The following GLIS3 variants were observed in gnomAD, a reference collection of about 807,000 sequenced individuals.
GLIS3 encodes the protein zinc finger protein GLIS3.
GLIS3 carries 53 observed loss-of-function variants against 78.6 expected under a neutral mutation model. The ratio of observed to expected loss-of-function variants is 0.67; its 90% CI spans 0.54 to 0.85. GLIS3 has a LOEUF of 0.85. Ranked by LOEUF, GLIS3 falls within the 40% of genes least tolerant of loss-of-function variation. The pLI is 0.00. For synonymous variants in GLIS3, 684 were observed against 509.9 expected (o/e 1.34, Z -4.60); for missense variants, 1,703 against 1,231.1 (o/e 1.38, Z -5.74).
chr9:4,372,497 C>T, the GLIS3 span, among the ~76,000 whole-genome samples: 1 of 150,874 alleles, frequency 6.6e-6, no homozygotes, highest in East Asian at 1.9e-4. Context: ...AAATCACCTC[C>T]TCTATCTGGC....
intron 4 of GLIS3, among the ~76,000 whole-genome samples, chr9:4,109,383 C>G (rs921220134): frequency 6.6e-6 from 1 of 152,194 alleles, no homozygotes; most frequent in African/African-American, 2.4e-5. Flanking sequence ...GGTCTCTAGT[C>G]TTCCCCAGAT....
At chr9:4,378,161 A>G in the GLIS3 span, among the ~76,000 whole-genome samples, 1 of 152,268 alleles carries the variant, frequency 6.6e-6, no homozygotes, top group African/African-American at 2.4e-5. Context: ...TAGAAGCTCA[A>G]TTATGAAAGT....
intron 2 of GLIS3, among the ~76,000 whole-genome samples, chr9:4,266,543 C>T (rs964835391): frequency 1.3e-5 from 2 of 151,866 alleles, no homozygotes; most frequent in African/African-American, 4.8e-5. Context: ...TACTGCCCAC[C>T]CTCTTCAGCA....
the GLIS3 span, among the ~76,000 whole-genome samples, chr9:4,444,728 T>A: frequency 6.6e-6 from 1 of 152,240 alleles, no homozygotes; most frequent in Non-Finnish European, 1.5e-5. Context: ...CAGTGGCATT[T>A]GCATGCCTTA....
chr9:4,408,699 C>T, the GLIS3 span, among the ~76,000 whole-genome samples: 3 of 126,472 alleles, frequency 2.4e-5, no homozygotes, highest in African/African-American at 6.7e-5. Flanking sequence ...CGCACTCCAG[C>T]CTGGGCAACA....
intron 4 of GLIS3, among the ~76,000 whole-genome samples, chr9:3,990,092 A>T (rs572226): frequency 0.69 from 104,714 of 152,122 alleles, 36,120 homozygotes; most frequent in East Asian, 0.79. Context: ...ATGTGAATGA[A>T]GAAACCAGGA....
chr9:4,407,835 G>C, the GLIS3 span, among the ~76,000 whole-genome samples: 1 of 151,972 alleles, frequency 6.6e-6, no homozygotes, highest in African/African-American at 2.4e-5. Context: ...GCAACCCGCA[G>C]AATGAGAGAA....
At chr9:4,034,867 G>C (rs531020221) in intron 4 of GLIS3, 2 of 152,302 alleles carry the variant, frequency 1.3e-5, no homozygotes, top group East Asian at 3.9e-4. Context: ...TTCAGAGGGT[G>C]AGTGGTGAGG....
At chr9:4,352,345 C>G (rs549933509), upstream of GLIS3, among the ~76,000 whole-genome samples, 1 of 152,352 alleles carries the variant, frequency 6.6e-6, no homozygotes, top group Non-Finnish European at 1.5e-5. Flanking sequence ...ACACTGAGCC[C>G]TTTGTGTAGA....
intron 8 of GLIS3, among the ~76,000 whole-genome samples, chr9:3,871,171 G>A (rs1462407724): frequency 6.6e-6 from 1 of 152,218 alleles, no homozygotes; most frequent in Non-Finnish European, 1.5e-5. Context: ...TGATGCAAGA[G>A]GTGGGTTCCC....
chr9:3,937,779 G>T (rs1022163221), intron 4 of GLIS3, among the ~76,000 whole-genome samples: 1 of 152,114 alleles, frequency 6.6e-6, no homozygotes, highest in Non-Finnish European at 1.5e-5. Flanking sequence ...TAATGCCAAG[G>T]CTAATGAGAT....
chr9:4,374,181 C>T, the GLIS3 span, among the ~76,000 whole-genome samples: 1 of 152,164 alleles, frequency 6.6e-6, no homozygotes, highest in Admixed American at 6.5e-5. Flanking sequence ...GTGATACTGC[C>T]TTCTAATTGG....
chr9:4,292,852 T>G (rs1177915668), intron 1 of GLIS3, among the ~76,000 whole-genome samples: 1 of 152,230 alleles, frequency 6.6e-6, no homozygotes, highest in Non-Finnish European at 1.5e-5. Context: ...TTTCAAAATG[T>G]GTTCTTAATA....
At chr9:4,489,076 C>T in the GLIS3 span, among the ~76,000 whole-genome samples, 1 of 151,940 alleles carries the variant, frequency 6.6e-6, no homozygotes, top group Admixed American at 6.6e-5. Flanking sequence ...ACTGTGTTAG[C>T]CAGGATGGTC....
intron 4 of GLIS3, among the ~76,000 whole-genome samples, chr9:4,088,037 G>A (rs1336199498): frequency 1.3e-5 from 2 of 152,116 alleles, no homozygotes; most frequent in Non-Finnish European, 2.9e-5. Context: ...TGCCATAGTC[G>A]AACTCAGCTC....
At chr9:3,845,827 C>T (rs940101670) in intron 9 of GLIS3, among the ~76,000 whole-genome samples, 3 of 152,134 alleles carry the variant, frequency 2.0e-5, no homozygotes, top group Non-Finnish European at 4.4e-5. Context: ...GGGGACAGCC[C>T]CCAATCAAAG....
chr9:3,859,393 A>T (rs1820019704), intron 8 of GLIS3, among the ~76,000 whole-genome samples: 1 of 110,474 alleles, frequency 9.1e-6, no homozygotes, highest in South Asian at 3.0e-4. Flanking sequence ...ACACACACAC[A>T]CACACACATC....
intron 4 of GLIS3, among the ~76,000 whole-genome samples, chr9:3,938,239 G>C (rs1826002630): frequency 6.6e-6 from 1 of 152,076 alleles, no homozygotes; most frequent in Non-Finnish European, 1.5e-5. Flanking sequence ...GAGAAATACG[G>C]AACACCTACT....
At chr9:4,406,651 C>T in the GLIS3 span, among the ~76,000 whole-genome samples, 2 of 152,084 alleles carry the variant, frequency 1.3e-5, no homozygotes, top group Non-Finnish European at 2.9e-5. Context: ...TTTCTATATG[C>T]CAACAGTGAA....
Sources: gnomAD v4.1 joint callset for allele counts (sites outside exome capture counted in the v4.1 genomes callset) on GRCh38, gnomAD v4.1.1 for gene constraint, MANE v1.5 for transcripts, NCBI Gene and HGNC (gene_info 2026-07-23, HGNC 2026-07-21) for gene names.